Variants in CCSER2 observed in about 807,000 individuals in gnomAD.
CCSER2 encodes the protein serine-rich coiled-coil domain-containing protein 2.
CCSER2 carries 46 observed loss-of-function variants against 92.3 expected under a neutral mutation model. The observed-to-expected ratio is 0.50, with a 90% CI of 0.39 to 0.64. The LOEUF is 0.64. Among genes scored for constraint, CCSER2 ranks in the 30% least tolerant of loss-of-function variants. The pLI is 0.00. For missense variants in CCSER2, 1,244 were observed against 1,238.9 expected (o/e 1.00, Z -0.06); for synonymous variants, 433 against 431.4 (o/e 1.00, Z -0.04).
intron 9 of CCSER2, among the ~76,000 whole-genome samples, chr10:84,490,104 G>C (rs1365970116): frequency 3.3e-5 from 5 of 152,226 alleles, no homozygotes; most frequent in African/African-American, 4.8e-5. Flanking sequence ...TCTTCTGAGA[G>C]ATCCGCTGTT....
chr10:84,377,272 A>G (rs1846389526), intron 3 of CCSER2, among the ~76,000 whole-genome samples: 2 of 152,116 alleles, frequency 1.3e-5, no homozygotes, highest in South Asian at 4.1e-4. Flanking sequence ...CCACCTTAAT[A>G]TCATGAATAT....
chr10:84,505,176 A>G (rs1848977260), intron 9 of CCSER2, among the ~76,000 whole-genome samples: 2 of 152,138 alleles, frequency 1.3e-5, no homozygotes, highest in Admixed American at 6.5e-5. Flanking sequence ...CTTGAAATTA[A>G]CATTTTAATG....
At chr10:84,389,542 G>C (rs1272603742) in intron 3 of CCSER2, 1 of 269,006 alleles carries the variant, frequency 3.7e-6, no homozygotes, top group East Asian at 1.2e-4. Flanking sequence ...TTGGGGGCCA[G>C]TGCAGATGTG....
chr10:84,481,032 T>A (rs925358952), intron 9 of CCSER2, among the ~76,000 whole-genome samples: 1 of 152,234 alleles, frequency 6.6e-6, no homozygotes, highest in Non-Finnish European at 1.5e-5. Context: ...TTATACAGGC[T>A]TATACTACCA....
chr10:84,397,163 A>G (rs867630184), intron 3 of CCSER2, among the ~76,000 whole-genome samples: 2 of 152,174 alleles, frequency 1.3e-5, no homozygotes, highest in African/African-American at 2.4e-5. Flanking sequence ...GTGACTTTCT[A>G]CTCTTACCTA....
At chr10:84,502,677 AT>A (rs2131848032) in intron 9 of CCSER2, among the ~76,000 whole-genome samples, 1 of 151,888 alleles carries the variant, frequency 6.6e-6, no homozygotes, top group Non-Finnish European at 1.5e-5. Flanking sequence ...GGCCTCTTTG[AT>A]GACTTCTTGA....
At chr10:84,359,103 T>C (rs1845359298) in intron 1 of CCSER2, among the ~76,000 whole-genome samples, 2 of 152,194 alleles carry the variant, frequency 1.3e-5, no homozygotes, top group Admixed American at 1.3e-4. Context: ...ATATCTAATT[T>C]TCAGGACATA....
At chr10:84,434,280 A>G (rs576036849) in intron 5 of CCSER2, among the ~76,000 whole-genome samples, 2 of 152,126 alleles carry the variant, frequency 1.3e-5, no homozygotes, top group African/African-American at 4.8e-5. Flanking sequence ...TGAAATCTCA[A>G]ATTCTGAGAT....
intron 1 of CCSER2, among the ~76,000 whole-genome samples, chr10:84,361,000 T>A (rs1350531714): frequency 6.6e-6 from 1 of 152,172 alleles, no homozygotes; most frequent in Non-Finnish European, 1.5e-5. Context: ...GGGTGAGAAG[T>A]CTTGCTGCTG....
At chr10:84,472,000 A>G (rs528697053) in intron 8 of CCSER2, among the ~76,000 whole-genome samples, 61 of 152,262 alleles carry the variant, frequency 4.0e-4, no homozygotes, top group South Asian at 2.5e-3. Flanking sequence ...TATAATGTTT[A>G]TGAAATGCTT....
intron 1 of CCSER2, among the ~76,000 whole-genome samples, chr10:84,368,398 A>T (rs1476043002): frequency 6.6e-6 from 1 of 152,074 alleles, no homozygotes; most frequent in African/African-American, 2.4e-5. Flanking sequence ...AAAACCACAT[A>T]CACACAAATA....
intron 1 of CCSER2, among the ~76,000 whole-genome samples, chr10:84,354,822 C>G (rs1295157566): frequency 6.6e-6 from 1 of 151,300 alleles, no homozygotes; most frequent in Non-Finnish European, 1.5e-5. Context: ...TGATGTTTTT[C>G]CCCAGACATA....
chr10:84,335,684 G>A (rs1039027734), intron 1 of CCSER2, among the ~76,000 whole-genome samples: 11 of 152,288 alleles, frequency 7.2e-5, no homozygotes, highest in African/African-American at 1.9e-4. Context: ...GGACAAAGAA[G>A]CAAGACAGAT....
chr10:84,433,798 T>C (rs1419471121), intron 5 of CCSER2, among the ~76,000 whole-genome samples: 2 of 152,212 alleles, frequency 1.3e-5, no homozygotes, highest in African/African-American at 2.4e-5. Flanking sequence ...TTGATTTTAT[T>C]GGCAGCACTT....
chr10:84,477,171 G>A (rs1847196548), intron 8 of CCSER2, among the ~76,000 whole-genome samples: 1 of 151,902 alleles, frequency 6.6e-6, no homozygotes, highest in African/African-American at 2.4e-5. Flanking sequence ...TCTTTATATT[G>A]ATATACATAA....
chr10:84,404,137 C>T (rs1468011583), intron 3 of CCSER2, among the ~76,000 whole-genome samples: 4 of 152,200 alleles, frequency 2.6e-5, no homozygotes, highest in Admixed American at 2.0e-4. Context: ...GGGTCACATC[C>T]TGTGGCACAC....
chr10:84,376,954 T>C (rs1472040602), intron 3 of CCSER2, among the ~76,000 whole-genome samples: 1 of 152,152 alleles, frequency 6.6e-6, no homozygotes, highest in Non-Finnish European at 1.5e-5. Flanking sequence ...CCTTCACATA[T>C]GTTTATTGGG....
chr10:84,415,047 T>C (rs1842827982), intron 3 of CCSER2, among the ~76,000 whole-genome samples: 2 of 152,178 alleles, frequency 1.3e-5, no homozygotes, highest in African/African-American at 4.8e-5. Context: ...TCAGCTCCTG[T>C]GTTGTTTTAT....
chr10:84,427,351 G>A (rs1843490983), intron 5 of CCSER2, among the ~76,000 whole-genome samples: 1 of 152,084 alleles, frequency 6.6e-6, no homozygotes, highest in South Asian at 2.1e-4. Context: ...TTATGGAATG[G>A]GTGGTACAAA....
Sources: allele counts gnomAD v4.1 joint callset (sites outside exome capture counted in the v4.1 genomes callset), GRCh38; gene constraint gnomAD v4.1.1; transcripts MANE v1.5; gene names NCBI Gene and HGNC (gene_info 2026-07-23, HGNC 2026-07-21).